Variants in EPHA6 observed in about 807,000 individuals in gnomAD.
EPHA6 encodes the protein ephrin type-A receptor 6.
In EPHA6, 50 loss-of-function variants were observed where a neutral mutation model predicts 112.0. The ratio of observed to expected loss-of-function variants is 0.45; its 90% CI spans 0.36 to 0.56. The LOEUF (loss-of-function observed/expected upper bound fraction) is 0.56, where lower values mean the gene tolerates loss of function less well. Ranked by LOEUF, EPHA6 falls within the 20% of genes least tolerant of loss-of-function variation. EPHA6 has a pLI of 0.00. For synonymous variants in EPHA6, 529 were observed against 490.7 expected (o/e 1.08, Z -1.03); for missense variants, 1,280 against 1,417.4 (o/e 0.90, Z 1.56).
chr3:96,869,860 T>C (rs1458359657), intron 2 of EPHA6, among the ~76,000 whole-genome samples: 1 of 152,108 alleles, frequency 6.6e-6, no homozygotes, highest in Non-Finnish European at 1.5e-5. Flanking sequence ...CATCACATTT[T>C]ATTTTAATGG....
intron 10 of EPHA6, among the ~76,000 whole-genome samples, chr3:97,523,293 TGTA>T (rs2107624335): frequency 6.6e-6 from 1 of 152,304 alleles, no homozygotes; most frequent in Non-Finnish European, 1.5e-5. Flanking sequence ...ATCCATTAGT[TGTA>T]CAGGAGTGTG....
intron 3 of EPHA6, among the ~76,000 whole-genome samples, chr3:97,073,489 C>G (rs907004408): frequency 2.6e-5 from 4 of 151,998 alleles, no homozygotes; most frequent in African/African-American, 9.7e-5. Flanking sequence ...ATTTACACAA[C>G]GTGTGTTAGA....
chr3:97,084,405 C>T (rs1252796612), intron 3 of EPHA6, among the ~76,000 whole-genome samples: 1 of 151,596 alleles, frequency 6.6e-6, no homozygotes, highest in African/African-American at 2.4e-5. Flanking sequence ...ACACAGACTC[C>T]TCTCTATAAC....
At chr3:97,146,406 A>G (rs2076043921) in intron 3 of EPHA6, among the ~76,000 whole-genome samples, 1 of 151,860 alleles carries the variant, frequency 6.6e-6, no homozygotes, top group Non-Finnish European at 1.5e-5. Flanking sequence ...TCTGTATGAT[A>G]ATGTCTCCCA....
intron 5 of EPHA6, among the ~76,000 whole-genome samples, chr3:97,384,134 ATGT>A (rs1237922836): frequency 6.6e-6 from 1 of 152,186 alleles, no homozygotes; most frequent in East Asian, 1.9e-4. Flanking sequence ...TGTTTATTCA[ATGT>A]TGTCTTTCGT....
chr3:96,948,950 C>T (rs906685781), intron 2 of EPHA6, among the ~76,000 whole-genome samples: 9 of 152,110 alleles, frequency 5.9e-5, no homozygotes, highest in Non-Finnish European at 1.2e-4. Flanking sequence ...GTGACTGGGA[C>T]ATTTGGAGGT....
chr3:97,551,620 G>A (rs2093030176), intron 11 of EPHA6, among the ~76,000 whole-genome samples: 1 of 152,100 alleles, frequency 6.6e-6, no homozygotes, highest in South Asian at 2.1e-4. Context: ...ATAACATGCT[G>A]TTGTGTTTAG....
Position 97,649,440 on chromosome 3 carries a change from GA to G in EPHA6, c.2784+11363del, listed in dbSNP as rs937880010. On this transcript the variant is annotated intron_variant, in intron 14 of 17. Coordinates refer to ENST00000389672, the MANE Select transcript of EPHA6 (RefSeq NM_001080448.3). Reference sequence around the variant, plus strand: ...CCAAACCATATAATCTACTAACATAGAAAAAGCTACATATAGCAGCATATAT... The same window carrying G: ...CCAAACCATATAATCTACTAACATAGAAAAGCTACATATAGCAGCATATAT... 2.4e-4 allele frequency among the ~76,000 whole-genome samples: 37 copies of G among 151,888 alleles called. 2 individuals are homozygous for G. The highest frequency in any genetic ancestry group is 1.5e-5 in the Non-Finnish European group (1 of 67,954).
At chr3:96,864,158 C>A (rs2036169878) in intron 1 of EPHA6, among the ~76,000 whole-genome samples, 1 of 151,992 alleles carries the variant, frequency 6.6e-6, no homozygotes, top group Non-Finnish European at 1.5e-5. Flanking sequence ...TTTTGGAATC[C>A]AGATGGATAG....
At chr3:97,572,678 TCCTCTGTGCTGTCG>T (rs2093346253) in intron 11 of EPHA6, 12 of 152,164 alleles carry the variant, frequency 7.9e-5, no homozygotes, top group Non-Finnish European at 1.8e-4. Flanking sequence ...ATTTTAGGAC[TCCTCTGTGCTGTCG>T]TATAGCTGGC....
At chr3:96,862,449 CAT>C (rs1170515033) in intron 1 of EPHA6, among the ~76,000 whole-genome samples, 1 of 151,856 alleles carries the variant, frequency 6.6e-6, no homozygotes, top group African/African-American at 2.4e-5. Context: ...AGTTCTCAAA[CAT>C]GTATTTATGA....
At chr3:96,953,055 A>G (rs2041615894) in intron 2 of EPHA6, among the ~76,000 whole-genome samples, 1 of 152,216 alleles carries the variant, frequency 6.6e-6, no homozygotes, top group African/African-American at 2.4e-5. Context: ...ACAAAGAAAT[A>G]ACCAAAAAAG....
intron 3 of EPHA6, among the ~76,000 whole-genome samples, chr3:97,070,505 T>C (rs975421414): frequency 7.2e-5 from 11 of 152,152 alleles, no homozygotes; most frequent in Admixed American, 6.6e-4. Flanking sequence ...CATCTTGATA[T>C]ACTGGTTTGT....
chr3:97,253,519 G>A (rs768521632), intron 5 of EPHA6, among the ~76,000 whole-genome samples: 7 of 151,950 alleles, frequency 4.6e-5, no homozygotes, highest in Admixed American at 2.0e-4. Flanking sequence ...TTTTCCCCTC[G>A]AAATAATTAT....
chr3:97,398,928 T>A (rs186060476), intron 5 of EPHA6, among the ~76,000 whole-genome samples: 254 of 151,572 alleles, frequency 1.7e-3, no homozygotes, highest in African/African-American at 5.9e-3. Flanking sequence ...AACATATACA[T>A]CCCCTCAAAC....
intron 3 of EPHA6, among the ~76,000 whole-genome samples, chr3:97,042,384 G>A (rs987882540): frequency 2.6e-5 from 4 of 151,896 alleles, no homozygotes; most frequent in African/African-American, 9.7e-5. Context: ...AGATGCCCAG[G>A]CTCATGCTTC....
In EPHA6 at chr3:97,307,290, A is replaced by G. The variant is rs115266403; in HGVS notation, c.1606+63003A>G. 2.5e-3 allele frequency among the ~76,000 whole-genome samples: 375 copies of G among 151,878 alleles called. 3 individuals are homozygous for G. The highest frequency in any genetic ancestry group is 8.3e-3 in the African/African-American group (345 of 41,512). On this transcript the variant is annotated intron_variant, in intron 5 of 17. Transcript: ENST00000389672. ...GGTCTCAATTGATGAAATTCCATAC[A>G]ATAGAGCTGGGGTCAGATGCCCCAG... is the stretch of plus-strand genomic sequence containing the variant.
intron 2 of EPHA6, among the ~76,000 whole-genome samples, chr3:96,945,720 G>C (rs796466401): frequency 6.6e-6 from 1 of 151,972 alleles, no homozygotes; most frequent in Non-Finnish European, 1.5e-5. Flanking sequence ...ATATATATCT[G>C]TGAATACCAA....
At chr3:97,424,807 A>C (rs1475843255) in intron 6 of EPHA6, among the ~76,000 whole-genome samples, 1 of 124,238 alleles carries the variant, frequency 8.0e-6, no homozygotes, top group East Asian at 2.2e-4. Flanking sequence ...ACTCTGTCTC[A>C]AAAAAAAAAA....
Sources: allele counts gnomAD v4.1 joint callset (sites outside exome capture counted in the v4.1 genomes callset), GRCh38; gene constraint gnomAD v4.1.1; transcripts MANE v1.5; gene names NCBI Gene and HGNC (gene_info 2026-07-23, HGNC 2026-07-21).